Variants in ARFGAP2 observed in about 807,000 individuals in gnomAD.
ARFGAP2 encodes the protein ADP-ribosylation factor GTPase-activating protein 2.
Under a neutral mutation model 71.9 loss-of-function variants are expected in ARFGAP2, and 45 were observed. That is an observed-to-expected ratio of 0.63 (90% CI 0.49 to 0.80). ARFGAP2 has a LOEUF of 0.80. Ranked by LOEUF, ARFGAP2 falls within the 30% of genes least tolerant of loss-of-function variation. The pLI is 0.00. For missense variants in ARFGAP2, 633 were observed against 673.9 expected (o/e 0.94, Z 0.67); for synonymous variants, 248 against 249.2 (o/e 1.00, Z 0.05).
rs750501708 is a variant in ARFGAP2 at position 47,176,622 on chromosome 11, A to C, written c.85T>G (p.Cys29Gly). The C allele has an allele frequency of 6.8e-6, 11 of 1,614,072 alleles. No individual in the cohort carries two copies. Among genetic ancestry groups the C allele is most frequent in the Non-Finnish European group, 8.5e-6 (10 of 1,180,020 alleles). ...AVPTNKACFD[C>G]GAKNPSWASI... ...GCCCAACTCGGATTCTTGGCGCCGC[A>C]GTCGAAACAGGCCTGGGTGGAGGCG... The change falls in exon 2 of 16, where the codon TGC (cysteine) becomes GGC (glycine). Residue 29 changes from cysteine (C) to glycine (G), a missense_variant. Cys to Gly is a radical substitution (Grantham distance 159). Coordinates refer to ENST00000524782, the MANE Select transcript of ARFGAP2 (RefSeq NM_032389.6).
Position 47,173,449 on chromosome 11 carries a change from C to T in ARFGAP2, c.596G>A (p.Gly199Asp). The change falls in exon 7 of 16, where the codon GGC becomes GAC. Residue 199 changes from glycine (G) to aspartate (D), a missense_variant. By Grantham distance (94) the Gly-to-Asp change is moderately conservative. Coordinates refer to ENST00000524782, the MANE Select transcript of ARFGAP2 (RefSeq NM_032389.6). ...PEHGPNTDLLGTSPKASLELK... is the reference protein window; with the variant it reads ...PEHGPNTDLLDTSPKASLELK... ...ACCCAGTGAGGCTTTGGGTGAGGTG[C>T]CAAGCAGGTCTGTGTTGGGGCCATG... The T allele has an allele frequency of 1.3e-6, 2 of 1,558,356 alleles. No homozygotes were observed. Among genetic ancestry groups the T allele is most frequent in the Non-Finnish European group, 1.7e-6 (2 of 1,150,882 alleles).
intron 7 of ARFGAP2, 125 bp downstream of exon 7, chr11:47,173,301 G>T (rs765480092): frequency 1.8e-6 from 2 of 1,136,540 alleles, no homozygotes; most frequent in Non-Finnish European, 2.6e-6. Context: ...CCACTCCAGA[G>T]AATCAGATAG....
In ARFGAP2 at chr11:47,175,252, C is replaced by T. The variant is rs11542791; in HGVS notation, c.326G>A (p.Arg109Gln). ...ANDANTKYNS[R>Q]AAQMYREKIR... ...CTTCTCCCGGTACATCTGGGCAGCT[C>T]GGCTATTATATTTGGTGTTGGCATC... Residue 109 changes from arginine (R) to glutamine (Q), a missense_variant, in exon 4 of 16, where the codon CGA becomes CAA. Physicochemically the swap from Arg to Gln is conservative, Grantham distance 43 (BLOSUM62 1). Coordinates refer to ENST00000524782, the MANE Select transcript of ARFGAP2 (RefSeq NM_032389.6). 4 of 1,614,098 alleles carry T rather than the reference C, an allele frequency of 2.5e-6. No homozygotes were observed. Among genetic ancestry groups the T allele is most frequent in the East Asian group, 2.2e-5 (1 of 44,880 alleles).
chr11:47,172,340 G>C lies in ARFGAP2; in HGVS notation c.620-7C>G, dbSNP rs748330162. On this transcript the variant is annotated splice_polypyrimidine_tract_variant and splice_region_variant and intron_variant, in intron 7 of 15. Coordinates refer to ENST00000524782, the MANE Select transcript of ARFGAP2 (RefSeq NM_032389.6). The stretch of plus-strand genomic sequence containing the variant: ...ATGATGGAGCTTTTCAGTTCTGCGT[G>C]AGAAACGGGTAGGCATGAGCTAAGA... 6.2e-7 allele frequency: 1 copy of C among 1,614,134 alleles called. No homozygotes were observed. The highest frequency in any genetic ancestry group is 8.5e-7 in the Non-Finnish European group (1 of 1,180,016).
chr11:47,172,791 C>T (rs1236583289), intron 7 of ARFGAP2: 2 of 1,289,864 alleles, frequency 1.6e-6, no homozygotes, highest in Non-Finnish European at 2.0e-6. Context: ...AGAGGCCCAC[C>T]CCAGAGCCTC....
chr11:47,166,353 G>A lies in ARFGAP2; in HGVS notation c.1460C>T (p.Ala487Val), dbSNP rs373970872. The change falls in exon 15 of 16, where the codon GCG (alanine) becomes GTG (valine). Residue 487 changes from alanine to valine, a missense_variant. Coordinates refer to ENST00000524782, the MANE Select transcript of ARFGAP2 (RefSeq NM_032389.6). Reference sequence around the variant, plus strand: ...ACCCTGCTTAAACTGGGCAATGTCCGCTGTAGGCAGCACGTTCCCCAGAGA... The same window carrying A: ...ACCCTGCTTAAACTGGGCAATGTCCACTGTAGGCAGCACGTTCCCCAGAGA... ...SVSLGNVLPT[A>V]DIAQFKQGVK... The A allele has an allele frequency of 2.7e-5, 44 of 1,614,104 alleles. No individual in the cohort carries two copies. Among genetic ancestry groups the A allele is most frequent in the Non-Finnish European group, 3.1e-5 (36 of 1,180,058 alleles).
chr11:47,170,259 G>C (rs762258130), intron 10 of ARFGAP2, among the ~76,000 whole-genome samples: 16 of 148,074 alleles, frequency 1.1e-4, no homozygotes, highest in Non-Finnish European at 1.9e-4. Flanking sequence ...GGGAGGCGGA[G>C]GCTGCAGTGG....
intron 2 of ARFGAP2, 33 bp downstream of exon 2, chr11:47,176,477 CGGCCGG>C: frequency 6.3e-7 from 1 of 1,586,684 alleles, no homozygotes. Flanking sequence ...CACCCCTGGC[CGGCCGG>C]GTGGAAACAC....
rs368677732 is a variant in ARFGAP2 at position 47,166,741 on chromosome 11, G to A, written c.1332+19C>T. The A allele has an allele frequency of 6.2e-7, 1 of 1,610,950 alleles. No individual in the cohort carries two copies. Among genetic ancestry groups the A allele is most frequent in the African/African-American group, 1.3e-5 (1 of 75,024 alleles). On this transcript the variant is annotated intron_variant, in intron 13 of 15. Transcript: ENST00000524782. ...TTCTGCCTGCTGCCTCGGACCTCAG[G>A]GCAGACAGCCCCACTTACCTCTGCA...
chr11:47,168,347 G>A lies in ARFGAP2; in HGVS notation c.942-96C>T, dbSNP rs1410953643. On this transcript the variant is annotated intron_variant, in intron 10 of 15. Transcript: ENST00000524782. ...CCCAGCAACTGGGTTCTCCTTCACG[G>A]AGCGTCACCCAGAGCCTTCTGTCCT... 3.2e-6 allele frequency: 5 copies of A among 1,539,314 alleles called. No homozygotes were observed. The African/African-American group carries it at 5.4e-5, about 17-fold the overall frequency.
At chr11:47,165,543 G>A in intron 15 of ARFGAP2, 41 bp from the exon 16 acceptor site, 1 of 1,526,410 alleles carries the variant, frequency 6.6e-7, no homozygotes. Context: ...AAAGTCAGAG[G>A]CTCTAAGCTG....
At chr11:47,172,355 A>G in intron 7 of ARFGAP2, 22 bp from the exon 8 acceptor site, 5 of 1,614,008 alleles carry the variant, frequency 3.1e-6, no homozygotes, top group Non-Finnish European at 4.2e-6. Context: ...ACGGGTAGGC[A>G]TGAGCTAAGA....
At chr11:47,171,364 G>T in intron 10 of ARFGAP2, 62 bp downstream of exon 10, 1 of 1,598,856 alleles carries the variant, frequency 6.3e-7, no homozygotes, top group East Asian at 2.2e-5. Flanking sequence ...TGCTAGGAAG[G>T]CCCCGCAATG....
chr11:47,175,402 C>T (rs556851531), intron 3 of ARFGAP2, 89 bp from the exon 4 acceptor site: 2 of 1,584,566 alleles, frequency 1.3e-6, no homozygotes, highest in East Asian at 2.2e-5. Flanking sequence ...CTTATGACAG[C>T]GAAGTTATTA....
At chr11:47,173,626 T>C in intron 6 of ARFGAP2, 133 bp downstream of exon 6, 1 of 1,416,062 alleles carries the variant, frequency 7.1e-7, no homozygotes, top group Non-Finnish European at 9.5e-7. Context: ...CCTCCAAGGA[T>C]TAAAATGAAT....
At chr11:47,168,386 G>A in intron 10 of ARFGAP2, 135 bp from the exon 11 acceptor site, 1 of 1,213,322 alleles carries the variant, frequency 8.2e-7, no homozygotes, top group South Asian at 1.5e-5. Flanking sequence ...CCAAGCACAG[G>A]GCTGGGCCAG....
chr11:47,165,878 G>A (rs1469715086), intron 15 of ARFGAP2, among the ~76,000 whole-genome samples: 1 of 149,704 alleles, frequency 6.7e-6, no homozygotes, highest in Non-Finnish European at 1.5e-5. Flanking sequence ...TTCGTTTGTG[G>A]TTTTTTTTTT....
Position 47,173,501 on chromosome 11 carries a change from G to A in ARFGAP2, c.563-19C>T. ...TCCGGCTCTGTGGATGCAATGGTAGGAGTTAGAGATGAGCTCCTAGCTTCC... is the reference window on the plus strand; with the variant it reads ...TCCGGCTCTGTGGATGCAATGGTAGAAGTTAGAGATGAGCTCCTAGCTTCC... On this transcript the variant is annotated intron_variant, in intron 6 of 15. Coordinates refer to ENST00000524782, the MANE Select transcript of ARFGAP2 (RefSeq NM_032389.6). 3 of 1,546,452 alleles carry A rather than the reference G, an allele frequency of 1.9e-6. No individual in the cohort carries two copies. The highest frequency in any genetic ancestry group is 2.6e-6 in the Non-Finnish European group (3 of 1,143,790).
chr11:47,171,503 CTCTT>C lies in ARFGAP2; in HGVS notation c.860_863del (p.Lys287ArgfsTer39). On this transcript the variant is annotated frameshift_variant, in exon 10 of 16. Coordinates refer to ENST00000524782, the MANE Select transcript of ARFGAP2 (RefSeq NM_032389.6). LOFTEE classifies it high-confidence loss of function. ...CTTCCAGATTCTGTAGCTTCTTTTC[CTCTT>C]TCTTACGATCAATCTGGAGCTCCTG... The C allele has an allele frequency of 6.2e-7, 1 of 1,614,182 alleles. No homozygotes were observed.
Sources: allele counts gnomAD v4.1 joint callset (sites outside exome capture counted in the v4.1 genomes callset), GRCh38; gene constraint gnomAD v4.1.1; transcripts MANE v1.5; gene names NCBI Gene and HGNC (gene_info 2026-07-23, HGNC 2026-07-21).